SUPT3H: variants seen among roughly 807,000 people sequenced by gnomAD.
The protein encoded by SUPT3H is SPT3 homolog, SAGA and STAGA complex component, also known as transcription initiation protein SPT3 homolog.
Under a neutral mutation model 44.3 loss-of-function variants are expected in SUPT3H, and 44 were observed. The observed-to-expected ratio is 0.99, with a 90% CI of 0.78 to 1.28. The LOEUF (loss-of-function observed/expected upper bound fraction) is 1.28, where lower values mean the gene tolerates loss of function less well. Ranked by LOEUF, SUPT3H falls within the 50% of genes most tolerant of loss-of-function variation. SUPT3H has a pLI of 0.00. For missense variants in SUPT3H, 380 were observed against 387.1 expected (o/e 0.98, Z 0.15); for synonymous variants, 124 against 125.6 (o/e 0.99, Z 0.09).
At chr6:45,054,879 A>G (rs1468455869) in intron 3 of SUPT3H, among the ~76,000 whole-genome samples, 1 of 152,162 alleles carries the variant, frequency 6.6e-6, no homozygotes, top group Non-Finnish European at 1.5e-5. Flanking sequence ...ATTTCTCAGC[A>G]AAAGTGGAAG....
At chr6:45,318,535 G>C (rs1785033686) in intron 2 of SUPT3H, among the ~76,000 whole-genome samples, 1 of 152,090 alleles carries the variant, frequency 6.6e-6, no homozygotes, top group Admixed American at 6.6e-5. Context: ...GAGAGCTTAT[G>C]GGAATTCTCT....
At chr6:45,105,810 G>A (rs2153571228) in intron 3 of SUPT3H, 112 bp downstream of exon 3, 2 of 793,500 alleles carry the variant, frequency 2.5e-6, no homozygotes, top group South Asian at 2.0e-5. Flanking sequence ...CTTCAATAAT[G>A]CTAACAAAAA....
intron 2 of SUPT3H, among the ~76,000 whole-genome samples, chr6:45,116,987 G>T (rs1800940217): frequency 6.6e-6 from 1 of 151,926 alleles, no homozygotes. Context: ...TATCATTTTG[G>T]TCTCAATGTA....
In SUPT3H at chr6:45,365,219, G is replaced by T; in HGVS notation, c.83C>A (p.Thr28Lys). 1.9e-6 allele frequency: 3 copies of T among 1,609,524 alleles called. No homozygotes were observed. The highest frequency in any genetic ancestry group is 1.7e-6 in the Non-Finnish European group (2 of 1,177,132). ...TACTTACATCATACTCTGTAATTCT[G>T]TTGCAAAGCTTATAGACTTCCCTGT... The part of the protein sequence containing the change: ...RSTGKSISFA[T>K]ELQSMMYSLG... Residue 28 changes from threonine to lysine, a missense_variant, in exon 2 of 11, where the codon ACA becomes AAA. Coordinates refer to ENST00000371459, the MANE Select transcript of SUPT3H (RefSeq NM_003599.4).
intron 2 of SUPT3H, among the ~76,000 whole-genome samples, chr6:45,118,141 T>C (rs141570435): frequency 6.6e-6 from 1 of 152,180 alleles, no homozygotes; most frequent in East Asian, 1.9e-4. Context: ...TTTATAGATA[T>C]TTATATACAC....
chr6:45,202,472 A>G (rs746719426), intron 2 of SUPT3H, among the ~76,000 whole-genome samples: 2 of 152,076 alleles, frequency 1.3e-5, no homozygotes, highest in Admixed American at 1.3e-4. Context: ...TACTTTTTAT[A>G]TAACAGTATC....
intron 2 of SUPT3H, among the ~76,000 whole-genome samples, chr6:45,262,691 T>C (rs892845038): frequency 1.3e-5 from 2 of 152,042 alleles, no homozygotes; most frequent in Non-Finnish European, 2.9e-5. Context: ...GCAGAAGAAA[T>C]TATCTGTAGA....
chr6:45,314,992 T>C lies in SUPT3H; in HGVS notation c.101+50209A>G, dbSNP rs1007656279. On this transcript the variant is annotated intron_variant, in intron 2 of 10. Coordinates refer to ENST00000371459, the MANE Select transcript of SUPT3H (RefSeq NM_003599.4). ...ACTCAGAAATAAATCCAAATACTTA[T>C]AGCCAACTGATCTTTGACAAAACAA... Among the ~76,000 whole-genome samples, 5 of 151,978 alleles carry C rather than the reference T, an allele frequency of 3.3e-5. No homozygotes were observed. The South Asian group carries it at 6.2e-4, about 19-fold the overall frequency.
At chr6:45,236,011 C>G (rs972568533) in intron 2 of SUPT3H, among the ~76,000 whole-genome samples, 1 of 152,148 alleles carries the variant, frequency 6.6e-6, no homozygotes, top group Non-Finnish European at 1.5e-5. Flanking sequence ...TGGCCCATCC[C>G]TTTTTTCCCG....
At chr6:45,062,699 C>A (rs1279934356) in intron 3 of SUPT3H, among the ~76,000 whole-genome samples, 1 of 152,144 alleles carries the variant, frequency 6.6e-6, no homozygotes, top group Non-Finnish European at 1.5e-5. Context: ...AAAGGGGTGA[C>A]GGACGCACCT....
intron 6 of SUPT3H, among the ~76,000 whole-genome samples, chr6:44,969,512 T>C (rs1363091972): frequency 6.6e-6 from 1 of 152,130 alleles, no homozygotes; most frequent in Non-Finnish European, 1.5e-5. Flanking sequence ...AGTCATTAAC[T>C]GTGCACACAT....
chr6:45,347,759 T>C (rs534188589), intron 2 of SUPT3H, among the ~76,000 whole-genome samples: 1 of 142,806 alleles, frequency 7.0e-6, no homozygotes, highest in East Asian at 1.9e-4. Context: ...TTCACAATTC[T>C]TTTTTTTAAA....
In SUPT3H at chr6:44,858,962, A is replaced by C. The variant is rs12524349; in HGVS notation, c.913-29105T>G. 3.3e-3 allele frequency among the ~76,000 whole-genome samples: 498 copies of C among 152,340 alleles called. 13 individuals are homozygous for C. The highest frequency in any genetic ancestry group is 0.029 in the Admixed American group (445 of 15,298). On this transcript the variant is annotated intron_variant, in intron 10 of 10. Coordinates refer to ENST00000371459, the MANE Select transcript of SUPT3H (RefSeq NM_003599.4). Reference sequence around the variant, plus strand: ...AAAGCCAAAGATAAAAGAAAAAAAGAATCTGGAATTGAAAATGATTTAAAT... The same window carrying C: ...AAAGCCAAAGATAAAAGAAAAAAAGCATCTGGAATTGAAAATGATTTAAAT...
chr6:45,040,879 A>T (rs966813957), intron 3 of SUPT3H, among the ~76,000 whole-genome samples: 1 of 152,126 alleles, frequency 6.6e-6, no homozygotes, highest in Admixed American at 6.6e-5. Context: ...TCCCTCCCTT[A>T]TATGTGAGGC....
At chr6:45,100,466 A>G (rs1583535961) in intron 3 of SUPT3H, among the ~76,000 whole-genome samples, 1 of 140,904 alleles carries the variant, frequency 7.1e-6, no homozygotes, top group East Asian at 2.2e-4. Flanking sequence ...CCAGCTACTC[A>G]TGAGGCTGAG....
At chr6:45,178,594 C>A (rs1383242236) in intron 2 of SUPT3H, among the ~76,000 whole-genome samples, 1 of 151,992 alleles carries the variant, frequency 6.6e-6, no homozygotes, top group African/African-American at 2.4e-5. Context: ...CTCTCCACCC[C>A]AAATCAACAG....
chr6:45,285,079 G>A (rs1778979722), intron 2 of SUPT3H, among the ~76,000 whole-genome samples: 1 of 151,742 alleles, frequency 6.6e-6, no homozygotes, highest in African/African-American at 2.4e-5. Flanking sequence ...ATTAGGTATT[G>A]ATGGGACATA....
At chr6:44,861,998 G>A (rs1037128325) in intron 10 of SUPT3H, among the ~76,000 whole-genome samples, 8 of 152,042 alleles carry the variant, frequency 5.3e-5, no homozygotes, top group African/African-American at 1.4e-4. Flanking sequence ...TCTGATGTTC[G>A]CTTAAAAGCC....
At chr6:45,308,706 A>G (rs1486616299) in intron 2 of SUPT3H, among the ~76,000 whole-genome samples, 1 of 151,938 alleles carries the variant, frequency 6.6e-6, no homozygotes, top group East Asian at 1.9e-4. Context: ...GAAACCTGCA[A>G]GTTGTGCACA....
Sources: gnomAD v4.1 joint callset for allele counts (sites outside exome capture counted in the v4.1 genomes callset) on GRCh38, gnomAD v4.1.1 for gene constraint, MANE v1.5 for transcripts, NCBI Gene and HGNC (gene_info 2026-07-23, HGNC 2026-07-21) for gene names.